MYO1D: variants seen among roughly 807,000 people sequenced by gnomAD.
MYO1D encodes the protein myosin ID, also known as unconventional myosin-Id.
A neutral mutation model predicts 122.0 loss-of-function variants in MYO1D; 83 were observed. The ratio of observed to expected loss-of-function variants is 0.68; its 90% CI spans 0.57 to 0.82. The LOEUF is 0.82. Among genes scored for constraint, MYO1D ranks in the 40% least tolerant of loss-of-function variants. The pLI, the probability that MYO1D is intolerant of heterozygous loss-of-function variation, is 0.00. For synonymous variants in MYO1D, 464 were observed against 446.9 expected (o/e 1.04, Z -0.48); for missense variants, 1,157 against 1,269.5 (o/e 0.91, Z 1.35).
chr17:32,675,285 T>C (rs2088791376), intron 16 of MYO1D, among the ~76,000 whole-genome samples: 2 of 152,210 alleles, frequency 1.3e-5, no homozygotes, highest in Admixed American at 1.3e-4. Flanking sequence ...CTAGATAAAG[T>C]AGAATGCTGG....
chr17:32,663,437 A>G (rs1470250837), intron 16 of MYO1D, among the ~76,000 whole-genome samples: 1 of 152,098 alleles, frequency 6.6e-6, no homozygotes, highest in Non-Finnish European at 1.5e-5. Flanking sequence ...CTAAGAGGAG[A>G]GGAGAGCATG....
At chr17:32,858,742 ATT>A (rs1250247482) in intron 1 of MYO1D, among the ~76,000 whole-genome samples, 1 of 152,140 alleles carries the variant, frequency 6.6e-6, no homozygotes, top group East Asian at 1.9e-4. Context: ...TTAATTGAAC[ATT>A]TTGTAGGGAG....
At chr17:32,657,403 T>C (rs2088492898) in intron 17 of MYO1D, among the ~76,000 whole-genome samples, 1 of 152,252 alleles carries the variant, frequency 6.6e-6, no homozygotes, top group Admixed American at 6.5e-5. Flanking sequence ...GAATAGTTTT[T>C]ACATTTTTAC....
At chr17:32,676,226 A>C (rs942910569) in intron 16 of MYO1D, among the ~76,000 whole-genome samples, 1 of 152,178 alleles carries the variant, frequency 6.6e-6, no homozygotes, top group African/African-American at 2.4e-5. Flanking sequence ...CCATATAAAT[A>C]GTTTAAAAGA....
intron 10 of MYO1D, among the ~76,000 whole-genome samples, chr17:32,757,427 A>G (rs183224142): frequency 1.4e-4 from 22 of 152,262 alleles, no homozygotes; most frequent in Admixed American, 7.8e-4. Context: ...CCTACAATGC[A>G]TAGAACAGCC....
intron 21 of MYO1D, among the ~76,000 whole-genome samples, chr17:32,508,485 A>G (rs1386176798): frequency 6.6e-6 from 1 of 152,022 alleles, no homozygotes; most frequent in Non-Finnish European, 1.5e-5. Flanking sequence ...TATGTTGGCC[A>G]GGCTGCTCTT....
intron 21 of MYO1D, chr17:32,497,780 G>A (rs1909173537): frequency 6.6e-6 from 1 of 152,446 alleles, no homozygotes; most frequent in Non-Finnish European, 1.5e-5. Flanking sequence ...CTGCTGAAAT[G>A]AAGGTTCTTG....
chr17:32,659,553 C>T lies in MYO1D; in HGVS notation c.2122-215G>A, dbSNP rs554761509. On this transcript the variant is annotated intron_variant, in intron 16 of 21. Transcript: ENST00000318217. ...ATTTTGTTTCAGCTGTCTAGCTGCT[C>T]ATTATTCTACACTGAAGTGTGTGCT... 1.3e-4 allele frequency: 75 copies of T among 576,348 alleles called. No homozygotes were observed. In the East Asian group the frequency reaches 2.1e-3, roughly 16 times the overall value. The allele number at this position is 576,348 out of a possible 1,614,324, so 35.7% of individuals were successfully genotyped here.
intron 15 of MYO1D, among the ~76,000 whole-genome samples, chr17:32,719,326 T>A (rs1486578260): frequency 6.6e-6 from 1 of 151,186 alleles, no homozygotes; most frequent in Non-Finnish European, 1.5e-5. Context: ...ACTCCTGCAA[T>A]AGCATCCTTA....
intron 16 of MYO1D, among the ~76,000 whole-genome samples, chr17:32,664,832 A>G (rs1158500976): frequency 6.6e-6 from 1 of 152,178 alleles, no homozygotes; most frequent in Non-Finnish European, 1.5e-5. Flanking sequence ...TCCTTTTAAG[A>G]CCAAAGCCAG....
intron 15 of MYO1D, among the ~76,000 whole-genome samples, chr17:32,716,469 G>A (rs2089447849): frequency 6.6e-6 from 1 of 152,192 alleles, no homozygotes; most frequent in African/African-American, 2.4e-5. Flanking sequence ...CATGTTGCCT[G>A]CCATACTATG....
intron 1 of MYO1D, among the ~76,000 whole-genome samples, chr17:32,872,555 T>C (rs954725192): frequency 6.6e-6 from 1 of 150,636 alleles, no homozygotes; most frequent in African/African-American, 2.4e-5. Flanking sequence ...ATTACAGGCG[T>C]GAGCCACCGC....
At chr17:32,614,340 G>A (rs1339973465) in intron 20 of MYO1D, among the ~76,000 whole-genome samples, 2 of 151,124 alleles carry the variant, frequency 1.3e-5, no homozygotes, top group Non-Finnish European at 2.9e-5. Context: ...TTCTGCAGGT[G>A]TTTGCTCGTA....
chr17:32,779,108 T>C (rs1043598512), intron 2 of MYO1D, among the ~76,000 whole-genome samples: 2 of 152,096 alleles, frequency 1.3e-5, no homozygotes, highest in Admixed American at 1.3e-4. Context: ...GGGATAATGC[T>C]GGGGGATGGG....
At chr17:32,523,907 C>T (rs1425746132) in intron 21 of MYO1D, among the ~76,000 whole-genome samples, 2 of 152,068 alleles carry the variant, frequency 1.3e-5, no homozygotes, top group East Asian at 3.8e-4. Flanking sequence ...CTCTCCAAGC[C>T]TCAGTTTCCT....
chr17:32,536,263 G>C (rs1910662360), intron 21 of MYO1D, among the ~76,000 whole-genome samples: 1 of 152,044 alleles, frequency 6.6e-6, no homozygotes, highest in Non-Finnish European at 1.5e-5. Context: ...TCGAACTCCT[G>C]ACCTCAAGTG....
chr17:32,715,107 A>G (rs1265660915), intron 15 of MYO1D, among the ~76,000 whole-genome samples: 1 of 152,228 alleles, frequency 6.6e-6, no homozygotes, highest in Admixed American at 6.5e-5. Context: ...CAAAACCACA[A>G]TGAGATAACA....
chr17:32,557,827 T>C (rs1303431289), intron 21 of MYO1D, among the ~76,000 whole-genome samples: 2 of 152,058 alleles, frequency 1.3e-5, no homozygotes, highest in Non-Finnish European at 2.9e-5. Flanking sequence ...GAAAATTATA[T>C]AAAATTCAAA....
chr17:32,760,775 G>T (rs1007048622), intron 8 of MYO1D, 148 bp from the exon 9 acceptor site: 6 of 808,066 alleles, frequency 7.4e-6, no homozygotes, highest in Non-Finnish European at 7.3e-6. Flanking sequence ...AATGTAGACT[G>T]TCCATTTAAA....
Sources: gnomAD v4.1 joint callset for allele counts (sites outside exome capture counted in the v4.1 genomes callset) on GRCh38, gnomAD v4.1.1 for gene constraint, MANE v1.5 for transcripts, NCBI Gene and HGNC (gene_info 2026-07-23, HGNC 2026-07-21) for gene names.